The following MCC variants were observed in gnomAD, a reference collection of about 807,000 sequenced individuals.
MCC encodes colorectal mutant cancer protein.
A neutral mutation model predicts 116.2 loss-of-function variants in MCC; 90 were observed. The ratio of observed to expected loss-of-function variants is 0.77; its 90% CI spans 0.65 to 0.92. MCC has a LOEUF of 0.92. Ranked by LOEUF, MCC falls within the 40% of genes least tolerant of loss-of-function variation. The probability of loss-of-function intolerance (pLI) is 0.00; values close to 1 mark genes in which losing one functional copy is unlikely to be tolerated. For missense variants in MCC, 1,516 were observed against 1,312.2 expected, an observed-to-expected ratio of 1.16 and a Z score of -2.40; for synonymous variants, 578 against 510.5, an observed-to-expected ratio of 1.13 and a Z score of -1.78.
chr5:113,114,919 G>A (rs1757309367), intron 6 of MCC, among the ~76,000 whole-genome samples: 1 of 151,330 alleles, frequency 6.6e-6, no homozygotes, highest in Non-Finnish European at 1.5e-5. Context: ...TGGGTGCCAT[G>A]GGCGCAGATG....
intron 3 of MCC, among the ~76,000 whole-genome samples, chr5:113,197,304 G>A (rs1762461109): frequency 6.6e-6 from 1 of 152,080 alleles, no homozygotes; most frequent in Non-Finnish European, 1.5e-5. Context: ...CAAAGAGAGA[G>A]GAGATAGGTG....
At chr5:113,320,672 T>C (rs1767402550) in intron 3 of MCC, among the ~76,000 whole-genome samples, 1 of 152,230 alleles carries the variant, frequency 6.6e-6, no homozygotes, top group Admixed American at 6.5e-5. Context: ...TTGGCCAAAC[T>C]ATTGCTTCCA....
At chr5:113,468,710 G>C (rs1427590646) in intron 1 of MCC, among the ~76,000 whole-genome samples, 2 of 152,184 alleles carry the variant, frequency 1.3e-5, no homozygotes, top group Non-Finnish European at 2.9e-5. Flanking sequence ...ATGAGTTAGG[G>C]AGGATTCCCT....
At chr5:113,271,163 G>T (rs577008771) in intron 3 of MCC, among the ~76,000 whole-genome samples, 7 of 152,290 alleles carry the variant, frequency 4.6e-5, no homozygotes, top group African/African-American at 1.4e-4. Context: ...TCTAAGCACA[G>T]AATTGCAAGG....
chr5:113,131,520 G>A (rs575191038), intron 5 of MCC, among the ~76,000 whole-genome samples: 120 of 152,310 alleles, frequency 7.9e-4, no homozygotes, highest in African/African-American at 2.7e-3. Flanking sequence ...GCAGGGTTCA[G>A]TTAGGAAAAC....
intron 3 of MCC, among the ~76,000 whole-genome samples, chr5:113,232,044 T>C (rs1054584449): frequency 2.0e-5 from 3 of 152,210 alleles, no homozygotes; most frequent in African/African-American, 7.2e-5. Flanking sequence ...ATTGCCTAAA[T>C]AGTTTATCAC....
chr5:113,244,015 A>C (rs1379825884), intron 3 of MCC, among the ~76,000 whole-genome samples: 6 of 152,274 alleles, frequency 3.9e-5, no homozygotes, highest in Non-Finnish European at 8.8e-5. Context: ...AACAGTAAAC[A>C]GATGACAGGA....
At chr5:113,269,630 T>C (rs1260475821) in intron 3 of MCC, among the ~76,000 whole-genome samples, 2 of 152,224 alleles carry the variant, frequency 1.3e-5, no homozygotes, top group East Asian at 3.8e-4. Flanking sequence ...AAAGCAGGAC[T>C]CCTGGTTAAT....
At chr5:113,433,970 A>G in intron 1 of MCC, 1 of 1,611,610 alleles carries the variant, frequency 6.2e-7, no homozygotes, top group South Asian at 1.1e-5. Flanking sequence ...TTCCCCGGGA[A>G]CTCTCCCCCT....
At chr5:113,375,637 C>T in intron 2 of MCC, among the ~76,000 whole-genome samples, 1 of 152,144 alleles carries the variant, frequency 6.6e-6, no homozygotes, top group Non-Finnish European at 1.5e-5. Flanking sequence ...GATATCCACA[C>T]TTAGTCCATG....
intron 3 of MCC, among the ~76,000 whole-genome samples, chr5:113,175,760 T>G (rs1382697639): frequency 2.0e-5 from 3 of 152,164 alleles, no homozygotes; most frequent in Non-Finnish European, 4.4e-5. Context: ...TACATTCAAT[T>G]TTAAGGAAGA....
rs567007660 is a variant in MCC at position 113,081,868 on chromosome 5, C to T, written c.1784+992G>A. On this transcript the variant is annotated intron_variant, in intron 11 of 18. Transcript: ENST00000408903. ...ATTCAATTTATTCTGGTTTGCCATA[C>T]ACAAGAGGAATGGAATTAAGCAACA... 3.8e-4 allele frequency among the ~76,000 whole-genome samples: 58 copies of T among 152,342 alleles called. No homozygotes were observed. In the South Asian group the frequency reaches 0.012, roughly 32 times the overall value.
intron 3 of MCC, among the ~76,000 whole-genome samples, chr5:113,229,582 G>T (rs566462398): frequency 1.3e-5 from 2 of 152,132 alleles, no homozygotes; most frequent in Non-Finnish European, 2.9e-5. Flanking sequence ...AATCACTCCG[G>T]CAAGTGTTTT....
intron 1 of MCC, among the ~76,000 whole-genome samples, chr5:113,468,946 C>G (rs1263719630): frequency 4.6e-5 from 7 of 151,976 alleles, no homozygotes; most frequent in African/African-American, 7.3e-5. Flanking sequence ...TCCATTTCTT[C>G]TAGATTTTCT....
chr5:113,051,966 T>C (rs1048691181), intron 15 of MCC, among the ~76,000 whole-genome samples: 1 of 152,092 alleles, frequency 6.6e-6, no homozygotes, highest in African/African-American at 2.4e-5. Flanking sequence ...CTCTGATATT[T>C]AGCCTTCAAG....
intron 3 of MCC, among the ~76,000 whole-genome samples, chr5:113,311,752 C>T (rs918349676): frequency 1.3e-5 from 2 of 151,988 alleles, no homozygotes; most frequent in African/African-American, 2.4e-5. Flanking sequence ...GCGGGTGGAT[C>T]ACTGAAGTCA....
chr5:113,379,307 T>C (rs1769058375), intron 2 of MCC, among the ~76,000 whole-genome samples: 1 of 152,244 alleles, frequency 6.6e-6, no homozygotes, highest in African/African-American at 2.4e-5. Context: ...GAAGGAGCAT[T>C]CTATTCTAGA....
At chr5:113,364,001 A>G (rs1414055106) in intron 2 of MCC, among the ~76,000 whole-genome samples, 5 of 152,160 alleles carry the variant, frequency 3.3e-5, no homozygotes, top group Admixed American at 3.3e-4. Context: ...TGGGAGACCA[A>G]GGCAGGCAGA....
At chr5:113,123,873 T>A (rs1174470039) in intron 5 of MCC, among the ~76,000 whole-genome samples, 1 of 152,188 alleles carries the variant, frequency 6.6e-6, no homozygotes, top group African/African-American at 2.4e-5. Context: ...AATCTCAGCC[T>A]GGCATTCATT....
Sources: allele counts gnomAD v4.1 joint callset (sites outside exome capture counted in the v4.1 genomes callset), GRCh38; gene constraint gnomAD v4.1.1; transcripts MANE v1.5; gene names NCBI Gene and HGNC (gene_info 2026-07-23, HGNC 2026-07-21).